LILRB4: variants seen among roughly 807,000 people sequenced by gnomAD.
LILRB4 encodes leukocyte immunoglobulin-like receptor subfamily B member 4.
In LILRB4, 49 loss-of-function variants were observed where a neutral mutation model predicts 55.2. The observed-to-expected ratio is 0.89, with a 90% CI of 0.71 to 1.13. The LOEUF (loss-of-function observed/expected upper bound fraction) is 1.13, where lower values mean the gene tolerates loss of function less well. Among genes scored for constraint, LILRB4 ranks in the 50% most tolerant of loss-of-function variants. The pLI is 0.00. For missense variants in LILRB4, 590 were observed against 555.2 expected (o/e 1.06, Z -0.63); for synonymous variants, 229 against 213.8 (o/e 1.07, Z -0.62).
At position 54,665,861 on chromosome 19, in the gene LILRB4, C is replaced by T. The variant is rs999666149; in HGVS notation, c.804C>T (p.Ser268=). The change falls in exon 7 of 12, where the codon TCC becomes TCT. Residue 268 remains serine (S), a synonymous_variant. Transcript: ENST00000430952. This position sits in a 1 kb window ranked among gnomAD's most constrained non-coding sequence, Gnocchi z 5.5. Reference sequence around the variant, plus strand: ...TACTGATCGGGGTCTTGGTGGTCTCCATCCTGCTTCTCTCCCTCCTCCTCT... The same window carrying T: ...TACTGATCGGGGTCTTGGTGGTCTCTATCCTGCTTCTCTCCCTCCTCCTCT... 1 of 1,613,716 alleles carries T rather than the reference C, an allele frequency of 6.2e-7. No homozygotes were observed. The highest frequency in any genetic ancestry group is 1.3e-5 in the African/African-American group (1 of 74,940).
Position 54,665,201 on chromosome 19 carries a change from G to A in LILRB4, c.757+21G>A. 2 of 1,584,910 alleles carry A rather than the reference G, an allele frequency of 1.3e-6. No individual in the cohort carries two copies. The highest frequency in any genetic ancestry group is 1.7e-6 in the Non-Finnish European group (2 of 1,163,916). ...CAGTGGTGAGTGAGGGGCTCTGAGT[G>A]GGAGGTGGGCAGGGTCTAGGGGAGC... On this transcript the variant is annotated intron_variant, in intron 6 of 11. Transcript: ENST00000430952. This position sits in a 1 kb window ranked among gnomAD's most constrained non-coding sequence, Gnocchi z 5.5.
At chr19:54,663,631 C>T (rs1169779021) in intron 2 of LILRB4, 64 bp downstream of exon 2, 3 of 1,612,162 alleles carry the variant, frequency 1.9e-6, no homozygotes, top group Non-Finnish European at 2.5e-6. Context: ...CACCCATGGG[C>T]AGCTGGGGGA....
Position 54,663,790 on chromosome 19 carries a change from G to C in LILRB4, c.107G>C (p.Gly36Ala), listed in dbSNP as rs562346371. The C allele has an allele frequency of 2.4e-5, 39 of 1,614,150 alleles. No homozygotes were observed. In the South Asian group the frequency reaches 4.0e-4, roughly 16 times the overall value. The change falls in exon 3 of 12, where the codon GGC becomes GCC. Residue 36 changes from glycine (G) to alanine (A), a missense_variant. Gly to Ala is a moderately conservative substitution (Grantham distance 60). Coordinates refer to ENST00000430952, the Ensembl canonical transcript of LILRB4. ...AAACCCACCCTCTGGGCTGAGCCAG[G>C]CTCTGTGATCAGCTGGGGGAACTCT...
At chr19:54,668,593 A>T (rs1434145051), downstream of LILRB4, 1 of 152,340 alleles carries the variant, frequency 6.6e-6, no homozygotes, top group Non-Finnish European at 1.5e-5. Flanking sequence ...GAAATACGAA[A>T]AATTACAGTT....
chr19:54,666,117 C>T lies in LILRB4; in HGVS notation c.875-123C>T. The T allele has an allele frequency of 1.6e-6, 2 of 1,258,292 alleles. No individual in the cohort carries two copies. 77.9% of individuals were successfully genotyped at this position (1,258,292 alleles called of 1,614,324 possible). Reference sequence around the variant, plus strand: ...GCTTTATTCTTTCGGTTTTTCTAAACTTAGAAAGTATTTAAAACATCCTTG... The same window carrying T: ...GCTTTATTCTTTCGGTTTTTCTAAATTTAGAAAGTATTTAAAACATCCTTG... On this transcript the variant is annotated intron_variant, in intron 7 of 11. Transcript: ENST00000430952. The surrounding 1 kb of genome is among the most constrained non-coding windows in gnomAD (Gnocchi z 4.8).
chr19:54,664,796 C>A lies in LILRB4; in HGVS notation c.656-3C>A. The A allele has an allele frequency of 1.9e-6, 3 of 1,582,898 alleles. No individual in the cohort carries two copies. The highest frequency in any genetic ancestry group is 2.6e-6 in the Non-Finnish European group (3 of 1,163,868). On this transcript the variant is annotated splice_region_variant and splice_polypyrimidine_tract_variant and intron_variant, in intron 4 of 11. Transcript: ENST00000430952. Reference sequence around the variant, plus strand: ...CTCACCCTCCTCTTGTCCTTCTACCCAGGATCCTTGGAGGGTCCCAGGCCC... The same window carrying A: ...CTCACCCTCCTCTTGTCCTTCTACCAAGGATCCTTGGAGGGTCCCAGGCCC...
intron 10 of LILRB4, chr19:54,667,258 G>T: frequency 1.7e-6 from 1 of 576,330 alleles, no homozygotes. Context: ...AGAGTGTGGG[G>T]CAGTGGGGCC....
At chr19:54,664,713 A>C in intron 4 of LILRB4, 86 bp from the exon 5 acceptor site, 1 of 1,144,146 alleles carries the variant, frequency 8.7e-7, no homozygotes, top group Non-Finnish European at 1.3e-6. Context: ...GGGAAGCTGC[A>C]GGGCAGATAT....
At position 54,666,005 on chromosome 19, in the gene LILRB4, A is replaced by G; in HGVS notation, c.874+74A>G. 2 of 1,566,548 alleles carry G rather than the reference A, an allele frequency of 1.3e-6. No individual in the cohort carries two copies. Among genetic ancestry groups the G allele is most frequent in the Non-Finnish European group, 1.7e-6 (2 of 1,148,910 alleles). ...GGCACCAGCCAAAGGGACTCCAGAT[A>G]GGAGAGGTCATCTTAGAAACTCTGC... On this transcript the variant is annotated intron_variant, in intron 7 of 11. Transcript: ENST00000430952. The surrounding 1 kb of genome is among the most constrained non-coding windows in gnomAD (Gnocchi z 4.8).
Position 54,665,625 on chromosome 19 carries a change from G to A in LILRB4, c.758-190G>A, listed in dbSNP as rs1373041805. Among the ~76,000 whole-genome samples the A allele has an allele frequency of 1.3e-5, 2 of 152,138 alleles. No homozygotes were observed. Among genetic ancestry groups the A allele is most frequent in the East Asian group, 3.9e-4 (2 of 5,194 alleles). ...CTGGCTGGAGGGGTCTGGGGCAGGC[G>A]ATTCCCCTCTCTGAGCCTCAGTTTG... On this transcript the variant is annotated intron_variant, in intron 6 of 11. Transcript: ENST00000430952. This position sits in a 1 kb window ranked among gnomAD's most constrained non-coding sequence, Gnocchi z 5.5.
exon 2 of LILRB4, chr19:54,663,546 C>G: frequency 6.2e-7 from 1 of 1,613,530 alleles, no homozygotes; most frequent in Non-Finnish European, 8.5e-7. Context: ...GAGTCTGGGC[C>G]CCAGGACCCA....
exon 12 of LILRB4, chr19:54,668,182 A>G: frequency 1.4e-6 from 1 of 711,804 alleles, no homozygotes; most frequent in Non-Finnish European, 2.3e-6. Context: ...CTGCAAAGAT[A>G]AATAATATCC....
Position 54,665,751 on chromosome 19 carries a change from T to C in LILRB4, c.758-64T>C. On this transcript the variant is annotated intron_variant, in intron 6 of 11. Transcript: ENST00000430952. The surrounding 1 kb of genome is among the most constrained non-coding windows in gnomAD (Gnocchi z 5.5). Reference sequence around the variant, plus strand: ...AGAAAGACCCAGCACACACAGTAGGTGCACACACAGTAGGTGTGCACATCA... The same window carrying C: ...AGAAAGACCCAGCACACACAGTAGGCGCACACACAGTAGGTGTGCACATCA... 1.3e-6 allele frequency: 2 copies of C among 1,540,720 alleles called. No homozygotes were observed. Among genetic ancestry groups the C allele is most frequent in the Non-Finnish European group, 8.8e-7 (1 of 1,136,066 alleles).
chr19:54,666,575 G>A lies in LILRB4; in HGVS notation c.989-122G>A, dbSNP rs148675643. 895 of 1,423,556 alleles carry A rather than the reference G, an allele frequency of 6.3e-4. 6 individuals are homozygous for A. The African/African-American group carries it at 9.2e-3, about 15-fold the overall frequency. The allele number at this position is 1,423,556 out of a possible 1,614,324, so 88.2% of individuals were successfully genotyped here. On this transcript the variant is annotated intron_variant, in intron 9 of 11. Coordinates refer to ENST00000430952, the Ensembl canonical transcript of LILRB4. This position sits in a 1 kb window ranked among gnomAD's most constrained non-coding sequence, Gnocchi z 4.8. ...GTCTGAACCCACATTGTGGGACCTC[G>A]GGGACATCACAGCCCCTCCCTGCGT... is the stretch of plus-strand genomic sequence containing the variant.
In LILRB4 at chr19:54,663,582, A is replaced by C. The variant is rs750137161; in HGVS notation, c.70+15A>C. ...CATGCAGGCAGGTGAGTCTGTCCCC[A>C]GCTGTCCCAGGTCCCTCCTCCTCAC... On this transcript the variant is annotated intron_variant, in intron 2 of 11. Transcript: ENST00000430952. 6.2e-7 allele frequency: 1 copy of C among 1,612,958 alleles called. No individual in the cohort carries two copies. Among genetic ancestry groups the C allele is most frequent in the Non-Finnish European group, 8.5e-7 (1 of 1,179,976 alleles).
At chr19:54,667,085 G>A (rs1264776608) in intron 10 of LILRB4, 4 of 619,024 alleles carry the variant, frequency 6.5e-6, no homozygotes, top group Admixed American at 4.3e-5. Context: ...TTCCCAGGGA[G>A]CTCACTGTGG....
chr19:54,665,769 G>A lies in LILRB4; in HGVS notation c.758-46G>A. 4 of 1,561,028 alleles carry A rather than the reference G, an allele frequency of 2.6e-6. No homozygotes were observed. Among genetic ancestry groups the A allele is most frequent in the Non-Finnish European group, 3.5e-6 (4 of 1,151,918 alleles). ...CAGTAGGTGCACACACAGTAGGTGT[G>A]CACATCAATGACATCATCCCCATTC... On this transcript the variant is annotated intron_variant, in intron 6 of 11. Coordinates refer to ENST00000430952, the Ensembl canonical transcript of LILRB4. This position sits in a 1 kb window ranked among gnomAD's most constrained non-coding sequence, Gnocchi z 5.5.
intron 3 of LILRB4, 70 bp from the exon 4 acceptor site, chr19:54,664,116 C>G: frequency 3.8e-6 from 6 of 1,596,228 alleles, no homozygotes; most frequent in Non-Finnish European, 5.1e-6. Flanking sequence ...ATCTCCCTCT[C>G]ACAGCCCAGC....
chr19:54,663,677 G>T, intron 2 of LILRB4, 77 bp from the exon 3 acceptor site: 4 of 1,605,522 alleles, frequency 2.5e-6, no homozygotes, highest in Non-Finnish European at 3.4e-6. Flanking sequence ...TGAGGATGAC[G>T]GGGGGGTCCT....
Sources: allele counts gnomAD v4.1 joint callset (sites outside exome capture counted in the v4.1 genomes callset), GRCh38; gene constraint gnomAD v4.1.1; non-coding constraint Gnocchi (gnomAD v3.1); transcripts MANE v1.5; gene names NCBI Gene and HGNC (gene_info 2026-07-23, HGNC 2026-07-21).